VPS33A: variants seen among roughly 807,000 people sequenced by gnomAD.
VPS33A encodes the protein vacuolar protein sorting-associated protein 33A.
Under a neutral mutation model 71.8 loss-of-function variants are expected in VPS33A, and 32 were observed. That is an observed-to-expected ratio of 0.45 (90% CI 0.34 to 0.60). The LOEUF is 0.60. VPS33A is among the 20% of genes least tolerant of loss of function. The pLI is 0.02. For missense variants in VPS33A, 625 were observed against 748.5 expected, an observed-to-expected ratio of 0.84 and a Z score of 1.92; for synonymous variants, 311 against 292.7, an observed-to-expected ratio of 1.06 and a Z score of -0.64.
At chr12:122,237,984 C>G (rs1435243164) in intron 10 of VPS33A, among the ~76,000 whole-genome samples, 1 of 151,588 alleles carries the variant, frequency 6.6e-6, no homozygotes, top group Non-Finnish European at 1.5e-5. Flanking sequence ...CAGGGTCTTG[C>G]TATGTTGCCA....
intron 4 of VPS33A, 103 bp downstream of exon 4, chr12:122,261,158 T>C (rs985221456): frequency 4.1e-6 from 4 of 967,580 alleles, no homozygotes; most frequent in South Asian, 2.1e-5. Context: ...TCAATAAACA[T>C]ATAAAATGGG....
rs1457952035 is a variant in VPS33A at position 122,259,399 on chromosome 12, A to G, written c.483+1862T>C. 2.0e-5 allele frequency among the ~76,000 whole-genome samples: 3 copies of G among 151,966 alleles called. No homozygotes were observed. The East Asian group carries it at 5.8e-4, about 29-fold the overall frequency. ...CATGCCTGGCTAATTTTGTATTTTT[A>G]GTAGAGACGGGATTTCTCCATGTTG... On this transcript the variant is annotated intron_variant, in intron 4 of 12. Transcript: ENST00000267199.
At chr12:122,233,050 A>G in intron 11 of VPS33A, 82 bp from the exon 12 acceptor site, 6 of 1,378,858 alleles carry the variant, frequency 4.4e-6, no homozygotes, top group Non-Finnish European at 5.8e-6. Flanking sequence ...GTAATCCAAA[A>G]TTATTTGATT....
In VPS33A at chr12:122,249,902, T is replaced by C; in HGVS notation, c.744A>G (p.Gly248=). ...GAATGCCATAAATTTCATCAATGAGTCCTTCATATGTCAGCTGAGTGGCAA... is the reference window on the plus strand; with the variant it reads ...GAATGCCATAAATTTCATCAATGAGCCCTTCATATGTCAGCTGAGTGGCAA... ...TPLATQLTYE[G]LIDEIYGIQN... The change falls in exon 6 of 13, where the codon GGA becomes GGG. Residue 248 remains glycine (G), a synonymous_variant. Coordinates refer to ENST00000267199, the MANE Select transcript of VPS33A (RefSeq NM_022916.6). 6.2e-7 allele frequency: 1 copy of C among 1,613,788 alleles called. No homozygotes were observed. Among genetic ancestry groups the C allele is most frequent in the Non-Finnish European group, 8.5e-7 (1 of 1,179,940 alleles).
intron 3 of VPS33A, among the ~76,000 whole-genome samples, chr12:122,262,756 G>C (rs960255019): frequency 6.6e-6 from 1 of 152,018 alleles, no homozygotes; most frequent in Admixed American, 6.6e-5. Context: ...TGGCTATCTT[G>C]AAAGAATGGG....
intron 3 of VPS33A, 86 bp from the exon 4 acceptor site, chr12:122,261,533 T>A (rs959010473): frequency 1.7e-6 from 2 of 1,206,680 alleles, no homozygotes; most frequent in African/African-American, 3.1e-5. Context: ...GCCTGGCACA[T>A]AGCAGGCACT....
intron 4 of VPS33A, among the ~76,000 whole-genome samples, chr12:122,251,945 T>C (rs4567503): frequency 0.45 from 68,428 of 150,438 alleles, 17,579 homozygotes; most frequent in African/African-American, 0.69. Context: ...GAAAAAAGAA[T>C]CTCCAAAATA....
intron 4 of VPS33A, among the ~76,000 whole-genome samples, chr12:122,258,612 A>G (rs1954949126): frequency 6.6e-6 from 1 of 152,072 alleles, no homozygotes; most frequent in Non-Finnish European, 1.5e-5. Flanking sequence ...GATGATCAAC[A>G]TCCTTAGTCA....
At chr12:122,241,314 T>C (rs1421644886) in intron 8 of VPS33A, among the ~76,000 whole-genome samples, 1 of 152,074 alleles carries the variant, frequency 6.6e-6, no homozygotes, top group Non-Finnish European at 1.5e-5. Context: ...TTTCTTTCTT[T>C]CGTTATTTCG....
At chr12:122,250,118 A>G in intron 5 of VPS33A, 73 bp from the exon 6 acceptor site, 1 of 1,426,178 alleles carries the variant, frequency 7.0e-7, no homozygotes, top group South Asian at 1.4e-5. Context: ...CTAAAACCAG[A>G]AAGACAATCA....
At chr12:122,239,084 C>A (rs1195052552) in intron 9 of VPS33A, among the ~76,000 whole-genome samples, 1 of 152,112 alleles carries the variant, frequency 6.6e-6, no homozygotes, top group Non-Finnish European at 1.5e-5. Context: ...TTGGTCACTC[C>A]ATATGCCTGT....
chr12:122,263,442 T>C, intron 3 of VPS33A, 130 bp downstream of exon 3: 1 of 1,117,794 alleles, frequency 8.9e-7, no homozygotes, highest in East Asian at 2.5e-5. Flanking sequence ...TATTCTTCCA[T>C]GCCTATCTCA....
At chr12:122,256,279 A>T (rs1192906102) in intron 4 of VPS33A, among the ~76,000 whole-genome samples, 7 of 151,988 alleles carry the variant, frequency 4.6e-5, no homozygotes, top group African/African-American at 1.5e-4. Context: ...TTTTATTGGT[A>T]AGAAGAAAAA....
intron 4 of VPS33A, among the ~76,000 whole-genome samples, chr12:122,258,137 C>T (rs531289205): frequency 1.3e-5 from 2 of 152,116 alleles, no homozygotes; most frequent in East Asian, 3.9e-4. Context: ...CACCTGTAAT[C>T]CCAGCACTTT....
rs1453012207 is a variant in VPS33A at position 122,230,131 on chromosome 12, C to T, written c.*2115G>A. 6.6e-6 allele frequency: 1 copy of T among 152,212 alleles called. No homozygotes were observed. Among genetic ancestry groups the T allele is most frequent in the African/African-American group, 2.4e-5 (1 of 41,458 alleles). 9.4% of individuals were successfully genotyped at this position (152,212 alleles called of 1,614,324 possible). A position where few individuals can be genotyped will look rare whatever the true frequency, so the allele number is the denominator to read the frequency against. On this transcript the variant is annotated 3_prime_UTR_variant, in exon 13 of 13. Transcript: ENST00000267199. ...ACAATGAAAATGGTTTTCTTTAAGACATTTCCAAATACTGAATATCAAGGC... is the reference window on the plus strand; with the variant it reads ...ACAATGAAAATGGTTTTCTTTAAGATATTTCCAAATACTGAATATCAAGGC...
intron 1 of VPS33A, 29 bp downstream of exon 1, chr12:122,266,278 G>A (rs777275330): frequency 6.2e-6 from 10 of 1,604,828 alleles, no homozygotes; most frequent in African/African-American, 2.7e-5. Flanking sequence ...GGGGAGGCGA[G>A]GGCGGTGTCG....
intron 11 of VPS33A, among the ~76,000 whole-genome samples, chr12:122,234,852 T>C (rs1465165497): frequency 6.6e-6 from 1 of 152,088 alleles, no homozygotes; most frequent in African/African-American, 2.4e-5. Context: ...CCTCACCCCT[T>C]ACCTCACCAG....
chr12:122,238,843 T>C (rs961268250), intron 9 of VPS33A, 119 bp from the exon 10 acceptor site: 3 of 1,147,148 alleles, frequency 2.6e-6, no homozygotes. Flanking sequence ...ATGTTTATTA[T>C]TATTTTTCAA....
intron 4 of VPS33A, among the ~76,000 whole-genome samples, chr12:122,260,752 G>C (rs1288050066): frequency 6.6e-6 from 1 of 152,100 alleles, no homozygotes. Context: ...TTGGGAGGCG[G>C]AGGCGGGCGG....
Sources: allele counts gnomAD v4.1 joint callset (sites outside exome capture counted in the v4.1 genomes callset), GRCh38; gene constraint gnomAD v4.1.1; transcripts MANE v1.5; gene names NCBI Gene and HGNC (gene_info 2026-07-23, HGNC 2026-07-21).